The following FAM135B variants were observed in gnomAD, a reference collection of about 807,000 sequenced individuals.
FAM135B encodes protein FAM135B.
A neutral mutation model predicts 127.7 loss-of-function variants in FAM135B; 43 were observed. That is an observed-to-expected ratio of 0.34 (90% CI 0.26 to 0.43). The LOEUF is 0.43. FAM135B is among the 20% of genes least tolerant of loss of function. The pLI is 1.00. For synonymous variants in FAM135B, 670 were observed against 665.1 expected (o/e 1.01, Z -0.11); for missense variants, 1,558 against 1,725.6 (o/e 0.90, Z 1.72).
At chr8:138,328,095 A>G (rs1827933527) in intron 2 of FAM135B, among the ~76,000 whole-genome samples, 1 of 152,160 alleles carries the variant, frequency 6.6e-6, no homozygotes, top group Admixed American at 6.5e-5. Flanking sequence ...TTCCTTGGAG[A>G]ACCCCAGCAT....
At chr8:138,332,112 C>T (rs1480919533) in intron 2 of FAM135B, among the ~76,000 whole-genome samples, 1 of 152,114 alleles carries the variant, frequency 6.6e-6, no homozygotes, top group East Asian at 1.9e-4. Flanking sequence ...GGCTCTGAGT[C>T]CAAGGCTTAG....
rs575444823 is a variant in FAM135B, at chr8:138,171,596, A to G, written c.1104-3547T>C. 2.6e-5 allele frequency among the ~76,000 whole-genome samples: 4 copies of G among 152,346 alleles called. No homozygotes were observed. The South Asian group carries it at 8.3e-4, about 32-fold the overall frequency. The stretch of plus-strand genomic sequence containing the variant: ...ACTAAAACATACTTGTTAAATCAAT[A>G]AAATTAATCAACATGGCATATGCAG... On this transcript the variant is annotated intron_variant, in intron 11 of 19. Coordinates refer to ENST00000395297, the MANE Select transcript of FAM135B (RefSeq NM_015912.4).
intron 1 of FAM135B, among the ~76,000 whole-genome samples, chr8:138,413,522 T>TA (rs1833975559): frequency 6.6e-6 from 1 of 152,206 alleles, no homozygotes; most frequent in Non-Finnish European, 1.5e-5. Flanking sequence ...TCATTTTTCA[T>TA]AAAAAACATT....
chr8:138,448,609 C>T (rs907082741), intron 1 of FAM135B, among the ~76,000 whole-genome samples: 3 of 152,096 alleles, frequency 2.0e-5, no homozygotes, highest in Non-Finnish European at 4.4e-5. Context: ...ACCATCAGCT[C>T]TCCTGGGCTT....
chr8:138,269,434 G>C (rs1402663551), intron 3 of FAM135B, among the ~76,000 whole-genome samples: 1 of 152,192 alleles, frequency 6.6e-6, no homozygotes, highest in African/African-American at 2.4e-5. Context: ...GATTCCCAAA[G>C]AATCAGTTCT....
intron 2 of FAM135B, among the ~76,000 whole-genome samples, chr8:138,318,978 A>T (rs1563893491): frequency 6.6e-6 from 1 of 152,212 alleles, no homozygotes; most frequent in Non-Finnish European, 1.5e-5. Flanking sequence ...TGATCCCCAT[A>T]GGATGTCTTT....
chr8:138,364,914 C>CTCAG (rs1393972361), intron 2 of FAM135B, among the ~76,000 whole-genome samples: 1 of 152,054 alleles, frequency 6.6e-6, no homozygotes, highest in Non-Finnish European at 1.5e-5. Context: ...GTAGCACAAT[C>CTCAG]TCAGCTCACT....
At chr8:138,406,211 T>G (rs1386427376) in intron 1 of FAM135B, among the ~76,000 whole-genome samples, 1 of 152,010 alleles carries the variant, frequency 6.6e-6, no homozygotes, top group Non-Finnish European at 1.5e-5. Context: ...CAGAAGCTCT[T>G]TAGTTTAATT....
rs1835909045 is a variant in FAM135B at position 138,443,170 on chromosome 8, C to T, written c.-20+53501G>A. On this transcript the variant is annotated intron_variant, in intron 1 of 19. Coordinates refer to ENST00000395297, the MANE Select transcript of FAM135B (RefSeq NM_015912.4). ...CCCTGATGCCAGGCCATAAAAGCCT[C>T]GTTGCTCATCACATCTGGGTAAAGC... Among the ~76,000 whole-genome samples the T allele has an allele frequency of 1.3e-5, 2 of 152,260 alleles. 1 individual carries two copies. Among genetic ancestry groups the T allele is most frequent in the South Asian group, 4.1e-4 (2 of 4,826 alleles).
intron 9 of FAM135B, among the ~76,000 whole-genome samples, chr8:138,182,970 G>A (rs141579264): frequency 2.0e-5 from 3 of 152,252 alleles, no homozygotes; most frequent in African/African-American, 7.2e-5. Flanking sequence ...CCCTGCCTTC[G>A]TGCATGTCCT....
chr8:138,451,987 T>C (rs1199463734), intron 1 of FAM135B, among the ~76,000 whole-genome samples: 1 of 152,168 alleles, frequency 6.6e-6, no homozygotes, highest in Non-Finnish European at 1.5e-5. Flanking sequence ...GCTCATAATT[T>C]TTATAATTAA....
chr8:138,206,349 C>T (rs1199849366), intron 7 of FAM135B, among the ~76,000 whole-genome samples: 2 of 138,976 alleles, frequency 1.4e-5, no homozygotes, highest in African/African-American at 2.6e-5. Context: ...ACCCACAACT[C>T]CAGCATCCCC....
At chr8:138,329,212 G>GGA (rs908322111) in intron 2 of FAM135B, among the ~76,000 whole-genome samples, 13 of 152,206 alleles carry the variant, frequency 8.5e-5, no homozygotes, top group Non-Finnish European at 1.2e-4. Context: ...AGAGAGAAAT[G>GGA]GAGAGAGAGA....
chr8:138,469,265 TG>T (rs1214314199), intron 1 of FAM135B, among the ~76,000 whole-genome samples: 2 of 151,674 alleles, frequency 1.3e-5, no homozygotes, highest in African/African-American at 4.8e-5. Flanking sequence ...GAAGAAAACA[TG>T]AAAGGTAATC....
intron 2 of FAM135B, among the ~76,000 whole-genome samples, chr8:138,351,179 G>A (rs1386276054): frequency 6.6e-6 from 1 of 152,124 alleles, no homozygotes; most frequent in Non-Finnish European, 1.5e-5. Flanking sequence ...GCTGAATTGT[G>A]TCCCCTTCAA....
intron 9 of FAM135B, among the ~76,000 whole-genome samples, chr8:138,193,316 T>C (rs1236205417): frequency 6.6e-6 from 1 of 152,218 alleles, no homozygotes; most frequent in African/African-American, 2.4e-5. Flanking sequence ...GAATCCCTGC[T>C]GATTAAATAT....
rs1300032749 is a variant in FAM135B at position 138,265,919 on chromosome 8, T to G, written c.158-77A>C. On this transcript the variant is annotated intron_variant, in intron 3 of 19. Transcript: ENST00000395297. ...CTGCAGCCCTGTCAGGTGTCTTTCC[T>G]GCTCAAGTAGGCTAATGGCCCCAAG... The G allele has an allele frequency of 1.1e-5, 17 of 1,490,796 alleles. No homozygotes were observed. In the Admixed American group the frequency reaches 3.1e-4, roughly 27 times the overall value. The allele number at this position is 1,490,796 out of a possible 1,614,324, so 92.3% of individuals were successfully genotyped here. A position where few individuals can be genotyped will look rare whatever the true frequency, so the allele number is the denominator to read the frequency against.
At chr8:138,288,648 A>T (rs1050516256) in intron 3 of FAM135B, among the ~76,000 whole-genome samples, 2 of 152,216 alleles carry the variant, frequency 1.3e-5, no homozygotes, top group Non-Finnish European at 2.9e-5. Flanking sequence ...CCAAAGAGAC[A>T]GGCAGTGCTG....
chr8:138,396,492 A>C (rs1229143146), intron 1 of FAM135B, among the ~76,000 whole-genome samples: 1 of 152,072 alleles, frequency 6.6e-6, no homozygotes, highest in African/African-American at 2.4e-5. Context: ...TAGCAGGCTC[A>C]CTCTGTCCTT....
Sources: allele counts gnomAD v4.1 joint callset (sites outside exome capture counted in the v4.1 genomes callset), GRCh38; gene constraint gnomAD v4.1.1; transcripts MANE v1.5; gene names NCBI Gene and HGNC (gene_info 2026-07-23, HGNC 2026-07-21).